Variants in SYNE2 observed in about 807,000 individuals in gnomAD.
SYNE2 encodes the protein spectrin repeat containing nuclear envelope protein 2.
A neutral mutation model predicts 856.3 loss-of-function variants in SYNE2; 431 were observed. The observed-to-expected ratio is 0.50, with a 90% CI of 0.47 to 0.55. The LOEUF (loss-of-function observed/expected upper bound fraction) is 0.55, where lower values mean the gene tolerates loss of function less well. Among genes scored for constraint, SYNE2 ranks in the 20% least tolerant of loss-of-function variants. The pLI, the probability that SYNE2 is intolerant of heterozygous loss-of-function variation, is 0.00. For missense variants in SYNE2, 8,129 were observed against 8,023.2 expected, an observed-to-expected ratio of 1.01 and a Z score of -0.50; for synonymous variants, 2,923 against 2,872.3, an observed-to-expected ratio of 1.02 and a Z score of -0.56.
At chr14:64,171,325 A>G (rs1244338050) in intron 94 of SYNE2, among the ~76,000 whole-genome samples, 1 of 152,220 alleles carries the variant, frequency 6.6e-6, no homozygotes, top group African/African-American at 2.4e-5. Context: ...CTCTGTGCCA[A>G]TCACTGTCCT....
chr14:64,027,051 T>C (rs996494694), intron 42 of SYNE2, among the ~76,000 whole-genome samples: 14 of 152,222 alleles, frequency 9.2e-5, no homozygotes, highest in Non-Finnish European at 5.9e-5. Context: ...TCTACAATGG[T>C]ACATTTAATA....
chr14:64,219,107 T>G (rs947757953), intron 109 of SYNE2, 101 bp from the exon 110 acceptor site: 30 of 654,018 alleles, frequency 4.6e-5, no homozygotes, highest in Middle Eastern at 4.9e-4. Flanking sequence ...TTTTTTTGTT[T>G]TTTTTTTTTT....
intron 2 of SYNE2, among the ~76,000 whole-genome samples, chr14:63,932,426 G>A (rs893864853): frequency 6.6e-6 from 1 of 152,018 alleles, no homozygotes; most frequent in Non-Finnish European, 1.5e-5. Context: ...GGGACTTTTG[G>A]CTGTCTGCAG....
At chr14:64,192,622 T>C (rs2139689015) in intron 99 of SYNE2, among the ~76,000 whole-genome samples, 1 of 152,350 alleles carries the variant, frequency 6.6e-6, no homozygotes, top group East Asian at 1.9e-4. Context: ...ATATGCCTTT[T>C]ATGTGTGATT....
chr14:64,107,412 A>G, intron 64 of SYNE2, 79 bp from the exon 65 acceptor site: 3 of 1,291,364 alleles, frequency 2.3e-6, no homozygotes, highest in Non-Finnish European at 2.3e-6. Flanking sequence ...TAGTTTGTAA[A>G]ATGAGCATGC....
chr14:64,154,504 G>T lies in SYNE2; in HGVS notation c.15792+1788G>T, dbSNP rs571963917. ...GGAAAAATGACCAAATGGAAAAAATGGATACAAGCCAGGCTCAGTGGCTCA... is the reference window on the plus strand; with the variant it reads ...GGAAAAATGACCAAATGGAAAAAATTGATACAAGCCAGGCTCAGTGGCTCA... On this transcript the variant is annotated intron_variant, in intron 85 of 115. Transcript: ENST00000555002. 1.5e-4 allele frequency among the ~76,000 whole-genome samples: 23 copies of T among 152,036 alleles called. 1 individual carries two copies. The highest frequency in any genetic ancestry group is 6.2e-4 in the South Asian group (3 of 4,812).
intron 31 of SYNE2, among the ~76,000 whole-genome samples, chr14:64,008,024 TC>T (rs1264409174): frequency 3.3e-5 from 5 of 152,142 alleles, no homozygotes; most frequent in African/African-American, 1.2e-4. Context: ...CAAGCTGTGT[TC>T]CTTCTGGAGG....
At position 64,056,269 on chromosome 14, in the gene SYNE2, A is replaced by G. The variant is rs2097267739; in HGVS notation, c.10067+3A>G. ...GCACAGGAAACTGAGGCAGAAAGGT[A>G]GGTCCTCTTCCAAAGGTAATCTTTA... On this transcript the variant is annotated splice_donor_region_variant and intron_variant, in intron 49 of 115. Coordinates refer to ENST00000555002, the MANE Select transcript of SYNE2 (RefSeq NM_182914.3). 5.0e-6 allele frequency: 8 copies of G among 1,612,822 alleles called. No individual in the cohort carries two copies. The highest frequency in any genetic ancestry group is 2.2e-5 in the East Asian group (1 of 44,886).
rs765911639 is a variant in SYNE2, at chr14:64,152,583, C to G, written c.15659C>G (p.Ala5220Gly). The G allele has an allele frequency of 1.2e-6, 2 of 1,613,856 alleles. No homozygotes were observed. The highest frequency in any genetic ancestry group is 1.3e-5 in the African/African-American group (1 of 74,888). ...LDCQDIENQL[A>G]IKSKALDELK... is the part of the protein sequence containing the mutation. Reference sequence around the variant, plus strand: ...TTCCAGGATATAGAAAATCAACTTGCAATTAAATCCAAAGCACTAGATGAG... The same window carrying G: ...TTCCAGGATATAGAAAATCAACTTGGAATTAAATCCAAAGCACTAGATGAG... The change falls in exon 85 of 116, where the codon GCA becomes GGA. Residue 5220 changes from alanine to glycine, a missense_variant. Ala to Gly is a moderately conservative substitution (Grantham distance 60). This residue lies in a region of SYNE2 where 5,410 missense variants were observed against 5,284.8 expected (regional missense o/e 1.02). Coordinates refer to ENST00000555002, the MANE Select transcript of SYNE2 (RefSeq NM_182914.3).
At chr14:64,184,928 A>G (rs2098481073) in intron 96 of SYNE2, among the ~76,000 whole-genome samples, 1 of 152,228 alleles carries the variant, frequency 6.6e-6, no homozygotes, top group South Asian at 2.1e-4. Context: ...GAATTAACAT[A>G]TTGTTAGGGC....
chr14:63,940,799 T>C, intron 3 of SYNE2, 124 bp downstream of exon 3: 2 of 806,532 alleles, frequency 2.5e-6, no homozygotes, highest in Non-Finnish European at 4.1e-6. Context: ...GGTTGTGGAA[T>C]GTCTTTTCTT....
chr14:63,770,446 C>T (rs1886857609), intron 1 of SYNE2, among the ~76,000 whole-genome samples: 1 of 152,066 alleles, frequency 6.6e-6, no homozygotes, highest in East Asian at 1.9e-4. Context: ...TTGTAAATTC[C>T]TGTGGATGAA....
chr14:63,958,201 A>G (rs1014416740), intron 8 of SYNE2, among the ~76,000 whole-genome samples: 3 of 152,198 alleles, frequency 2.0e-5, no homozygotes, highest in Non-Finnish European at 4.4e-5. Flanking sequence ...ATGAACCAAT[A>G]TGGATATGTT....
intron 84 of SYNE2, among the ~76,000 whole-genome samples, chr14:64,152,343 A>G (rs544336344): frequency 1.0e-3 from 153 of 152,358 alleles, no homozygotes; most frequent in African/African-American, 3.5e-3. Context: ...CTGCTCTGCC[A>G]TGATGGTTCA....
intron 7 of SYNE2, among the ~76,000 whole-genome samples, chr14:63,952,470 A>G (rs2096177761): frequency 6.6e-6 from 1 of 152,314 alleles, no homozygotes; most frequent in Non-Finnish European, 1.5e-5. Context: ...TAAAAGCCAC[A>G]ATTACTTTTG....
At chr14:63,780,708 A>C (rs1465391548) in intron 1 of SYNE2, among the ~76,000 whole-genome samples, 2 of 152,140 alleles carry the variant, frequency 1.3e-5, no homozygotes, top group African/African-American at 4.8e-5. Flanking sequence ...AGAAGTATTA[A>C]AAAAAATGAA....
Position 64,049,641 on chromosome 14 carries a change from G to A in SYNE2, c.7408G>A (p.Ala2470Thr). Reference sequence around the variant, plus strand: ...ATATACCCAGTTGGAAGCAAAGAAAGCAGCCATTAAGCCACTGGAACAAAC... The same window carrying A: ...ATATACCCAGTTGGAAGCAAAGAAAACAGCCATTAAGCCACTGGAACAAAC... ...KLYTQLEAKK[A>T]AIKPLEQTEC... The change falls in exon 47 of 116, where the codon GCA (alanine) becomes ACA (threonine). Residue 2470 changes from alanine to threonine, a missense_variant. Coordinates refer to ENST00000555002, the MANE Select transcript of SYNE2 (RefSeq NM_182914.3). 6.2e-7 allele frequency: 1 copy of A among 1,613,434 alleles called. No homozygotes were observed. The highest frequency in any genetic ancestry group is 8.5e-7 in the Non-Finnish European group (1 of 1,179,918).
intron 11 of SYNE2, among the ~76,000 whole-genome samples, chr14:63,973,123 G>A (rs1262237): frequency 0.32 from 47,867 of 151,748 alleles, 7,833 homozygotes; most frequent in African/African-American, 0.38. Flanking sequence ...AAGCATGGTG[G>A]CACACACCTG....
intron 101 of SYNE2, 93 bp downstream of exon 101, chr14:64,209,038 T>TCTAAGTGAAATGAA: frequency 6.8e-7 from 1 of 1,480,948 alleles, no homozygotes; most frequent in Non-Finnish European, 9.2e-7. Context: ...TCTGTTCATT[T>TCTAAGTGAAATGAA]CACTTAGAAA....
Sources: allele counts gnomAD v4.1 joint callset (sites outside exome capture counted in the v4.1 genomes callset), GRCh38; gene constraint gnomAD v4.1.1; regional missense constraint gnomAD v4.1.1; transcripts MANE v1.5; gene names NCBI Gene and HGNC (gene_info 2026-07-23, HGNC 2026-07-21).